The following ANO2 variants were observed in gnomAD, a reference collection of about 807,000 sequenced individuals.
ANO2 encodes anoctamin-2.
In ANO2, 101 loss-of-function variants were observed where a neutral mutation model predicts 124.2. The ratio of observed to expected loss-of-function variants is 0.81; its 90% CI spans 0.69 to 0.96. The LOEUF (loss-of-function observed/expected upper bound fraction) is 0.96, where lower values mean the gene tolerates loss of function less well. Among genes scored for constraint, ANO2 ranks in the 40% least tolerant of loss-of-function variants. ANO2 has a pLI of 0.00. For missense variants in ANO2, 1,293 were observed against 1,274.5 expected (o/e 1.01, Z -0.22); for synonymous variants, 486 against 482.5 (o/e 1.01, Z -0.09).
At chr12:5,906,317 C>A (rs535520975) in intron 3 of ANO2, among the ~76,000 whole-genome samples, 78 of 145,726 alleles carry the variant, frequency 5.4e-4, no homozygotes, top group African/African-American at 2.0e-3. Context: ...GCACTAAAGG[C>A]TATTATATTA....
chr12:5,716,874 C>T (rs1020268327), intron 14 of ANO2, among the ~76,000 whole-genome samples: 1 of 152,152 alleles, frequency 6.6e-6, no homozygotes, highest in Non-Finnish European at 1.5e-5. Context: ...TATCTCCCAC[C>T]ACAGTTGCAT....
intron 10 of ANO2, among the ~76,000 whole-genome samples, chr12:5,756,373 A>G (rs924286860): frequency 1.3e-5 from 2 of 152,004 alleles, no homozygotes; most frequent in East Asian, 1.9e-4. Flanking sequence ...AAGTTACTGG[A>G]GTCTTTTTCA....
chr12:5,861,653 G>A (rs1009064685), intron 3 of ANO2, among the ~76,000 whole-genome samples: 10 of 152,250 alleles, frequency 6.6e-5, no homozygotes, highest in Admixed American at 5.9e-4. Flanking sequence ...AGGCAAGAAC[G>A]TCAGCTGCAG....
chr12:5,788,267 T>C (rs866095106), intron 10 of ANO2, among the ~76,000 whole-genome samples: 4 of 152,326 alleles, frequency 2.6e-5, no homozygotes, highest in Middle Eastern at 3.4e-3. Flanking sequence ...CAAAGACACA[T>C]GAACACAATA....
chr12:5,938,642 G>A (rs1486965566), intron 1 of ANO2, among the ~76,000 whole-genome samples: 1 of 152,022 alleles, frequency 6.6e-6, no homozygotes, highest in African/African-American at 2.4e-5. Flanking sequence ...CCAACATGGT[G>A]AAACTCCGTC....
chr12:5,909,763 C>T (rs1274038519), intron 3 of ANO2, among the ~76,000 whole-genome samples: 2 of 152,252 alleles, frequency 1.3e-5, no homozygotes, highest in Admixed American at 6.5e-5. Flanking sequence ...AGAGAGCAGG[C>T]GGTGGGCGTT....
At chr12:5,714,655 T>C (rs1337433825) in intron 14 of ANO2, among the ~76,000 whole-genome samples, 1 of 152,244 alleles carries the variant, frequency 6.6e-6, no homozygotes, top group Non-Finnish European at 1.5e-5. Flanking sequence ...TTTCTCTTTA[T>C]TCTTCTCCTC....
At chr12:5,923,196 G>T (rs58222174) in intron 1 of ANO2, among the ~76,000 whole-genome samples, 2 of 34,298 alleles carry the variant, frequency 5.8e-5, no homozygotes, top group Non-Finnish European at 1.8e-4. Context: ...ACACACACAC[G>T]CACGCACACA....
At chr12:5,920,593 C>T (rs769751077) in intron 3 of ANO2, among the ~76,000 whole-genome samples, 6 of 152,138 alleles carry the variant, frequency 3.9e-5, no homozygotes, top group Non-Finnish European at 5.9e-5. Context: ...AGGCCAGGCA[C>T]GGTGGCTCAC....
chr12:5,590,609 C>T (rs1441999953), intron 20 of ANO2, among the ~76,000 whole-genome samples: 1 of 152,176 alleles, frequency 6.6e-6, no homozygotes, highest in Admixed American at 6.5e-5. Context: ...CCTCCTGCAT[C>T]CAGTTCAGAG....
chr12:5,588,416 C>T (rs556459892), intron 20 of ANO2, among the ~76,000 whole-genome samples: 28 of 152,306 alleles, frequency 1.8e-4, no homozygotes, highest in African/African-American at 5.5e-4. Flanking sequence ...GCACGTCTCC[C>T]GTGGAATGGT....
At chr12:5,889,663 G>A (rs1939247295) in intron 3 of ANO2, among the ~76,000 whole-genome samples, 1 of 152,238 alleles carries the variant, frequency 6.6e-6, no homozygotes. Context: ...CCCCTGTGCT[G>A]GTAACAGCTG....
intron 3 of ANO2, among the ~76,000 whole-genome samples, chr12:5,897,626 T>C (rs1282948026): frequency 1.3e-5 from 2 of 151,862 alleles, no homozygotes; most frequent in Non-Finnish European, 2.9e-5. Context: ...GCTTCAATAA[T>C]CCAGCAGAGC....
chr12:5,722,534 G>A (rs932220149), intron 14 of ANO2, among the ~76,000 whole-genome samples: 30 of 152,026 alleles, frequency 2.0e-4, no homozygotes, highest in Non-Finnish European at 5.9e-5. Context: ...ACTAAAAACA[G>A]TACTATAGAA....
intron 10 of ANO2, among the ~76,000 whole-genome samples, chr12:5,778,500 T>C (rs1230007918): frequency 1.3e-5 from 2 of 152,234 alleles, no homozygotes; most frequent in Non-Finnish European, 2.9e-5. Context: ...CTGATGTTTA[T>C]ACCATATTTC....
At chr12:5,923,803 C>T (rs955909171) in intron 1 of ANO2, among the ~76,000 whole-genome samples, 18 of 152,218 alleles carry the variant, frequency 1.2e-4, no homozygotes, top group African/African-American at 4.3e-4. Flanking sequence ...AAGGTCTCAG[C>T]GCAGGTCAGA....
chr12:5,647,730 G>A lies in ANO2; in HGVS notation c.1617C>T (p.Phe539=), dbSNP rs552051189. 3.1e-6 allele frequency: 5 copies of A among 1,608,844 alleles called. No individual in the cohort carries two copies. The South Asian group carries it at 3.4e-5, about 11-fold the overall frequency. The change falls in exon 15 of 25, where the codon TTC becomes TTT. Residue 539 remains phenylalanine (F), a synonymous_variant. Coordinates refer to ENST00000682330, the MANE Select transcript of ANO2 (RefSeq NM_001364791.2). ...GYLMNFASIL[F]MIALTFSIVF... ...AGTGGTCCCTCAAGGAAATTACCAT[G>A]AATAAGATGGAGGCAAAGTTCATCA...
At chr12:5,688,189 G>A (rs781194997) in intron 14 of ANO2, among the ~76,000 whole-genome samples, 5 of 152,112 alleles carry the variant, frequency 3.3e-5, no homozygotes, top group Non-Finnish European at 5.9e-5. Context: ...ACTCCAAATC[G>A]GGACCTGAGC....
chr12:5,881,165 A>G (rs1171033019), intron 3 of ANO2, among the ~76,000 whole-genome samples: 1 of 152,136 alleles, frequency 6.6e-6, no homozygotes, highest in Non-Finnish European at 1.5e-5. Context: ...CTTTATAACT[A>G]TTCTATTGAG....
Sources: allele counts gnomAD v4.1 joint callset (sites outside exome capture counted in the v4.1 genomes callset), GRCh38; gene constraint gnomAD v4.1.1; transcripts MANE v1.5; gene names NCBI Gene and HGNC (gene_info 2026-07-23, HGNC 2026-07-21).